The following XPO6 variants were observed in gnomAD, a reference collection of about 807,000 sequenced individuals.
XPO6 encodes the protein exportin 6, also known as exportin-6.
XPO6 carries 3 observed loss-of-function variants against 130.0 expected under a neutral mutation model. The observed-to-expected ratio is 0.02, with a 90% CI of 0.01 to 0.06. The LOEUF (loss-of-function observed/expected upper bound fraction) is 0.06, where lower values mean the gene tolerates loss of function less well. Ranked by LOEUF, XPO6 falls within the 10% of genes least tolerant of loss-of-function variation. XPO6 has a pLI of 1.00. For missense variants in XPO6, 970 were observed against 1,393.0 expected (o/e 0.70, Z 4.83); for synonymous variants, 524 against 548.9 (o/e 0.95, Z 0.63).
At position 28,152,732 on chromosome 16, in the gene XPO6, C is replaced by G; in HGVS notation, c.1151G>C (p.Arg384Thr). 1 of 1,613,804 alleles carries G rather than the reference C, an allele frequency of 6.2e-7. No individual in the cohort carries two copies. Among genetic ancestry groups the G allele is most frequent in the East Asian group, 2.2e-5 (1 of 44,844 alleles). ...GAACTGGGAGTAAGACTCGATTCTT[C>G]TTAGGTGAACACTCACAAAGAGCCG... ...FLRLFVSVHLRRIESYSQFPV... is the reference protein window; with the variant it reads ...FLRLFVSVHLTRIESYSQFPV... The change falls in exon 8 of 24, where the codon AGA becomes ACA. Residue 384 changes from arginine (R) to threonine (T), a missense_variant. Arg to Thr is a moderately conservative substitution (Grantham distance 71). Coordinates refer to ENST00000304658, the MANE Select transcript of XPO6 (RefSeq NM_015171.4).
chr16:28,142,324 C>T (rs552079236), intron 9 of XPO6, among the ~76,000 whole-genome samples: 3 of 152,326 alleles, frequency 2.0e-5, no homozygotes, highest in African/African-American at 7.2e-5. Context: ...TCCTGCAAAA[C>T]AGCATATCTC....
At chr16:28,196,003 AAGTTTTCTGTTTATTCCACC>A (rs2141897811) in intron 1 of XPO6, among the ~76,000 whole-genome samples, 1 of 152,218 alleles carries the variant, frequency 6.6e-6, no homozygotes, top group African/African-American at 2.4e-5. Flanking sequence ...AAATGCCTAG[AAGTTTTCTGTTTATTCCACC>A]ATGGAATGTG....
chr16:28,200,163 AG>A (rs768183324), intron 1 of XPO6, among the ~76,000 whole-genome samples: 3,375 of 148,702 alleles, frequency 0.023, 47 homozygotes, highest in African/African-American at 0.048. Context: ...TCTCAAAAAA[AG>A]AAAAGGGAAA....
At chr16:28,186,966 G>A (rs142960411) in intron 1 of XPO6, among the ~76,000 whole-genome samples, 1 of 152,304 alleles carries the variant, frequency 6.6e-6, no homozygotes, top group African/African-American at 2.4e-5. Context: ...ACAATGATGA[G>A]TAAGACGGTC....
At chr16:28,136,387 T>C (rs1481247850) in intron 9 of XPO6, among the ~76,000 whole-genome samples, 5 of 152,126 alleles carry the variant, frequency 3.3e-5, no homozygotes, top group Admixed American at 2.6e-4. Context: ...GTCTGGCTAA[T>C]TTTTGTATTT....
At chr16:28,162,462 C>T (rs2043291949) in intron 6 of XPO6, among the ~76,000 whole-genome samples, 1 of 152,098 alleles carries the variant, frequency 6.6e-6, no homozygotes, top group South Asian at 2.1e-4. Flanking sequence ...AACCTGTGAC[C>T]CTGGCAGCGA....
chr16:28,124,118 C>T (rs936889988), intron 13 of XPO6, among the ~76,000 whole-genome samples: 3 of 148,804 alleles, frequency 2.0e-5, no homozygotes, highest in Non-Finnish European at 4.4e-5. Context: ...AGTGCACTGG[C>T]GCAATCTCAG....
At chr16:28,133,747 A>T in intron 11 of XPO6, 94 bp downstream of exon 11, 1 of 1,081,268 alleles carries the variant, frequency 9.2e-7, no homozygotes, top group Non-Finnish European at 1.4e-6. Context: ...GAGGGGAAAG[A>T]GGGGAGAGAG....
chr16:28,110,278 C>T (rs2285617), intron 17 of XPO6, among the ~76,000 whole-genome samples: 8,094 of 152,280 alleles, frequency 0.053, 549 homozygotes, highest in East Asian at 0.17. Flanking sequence ...AGTGGCATCA[C>T]ACCTCCCTGC....
At chr16:28,112,067 C>A in intron 16 of XPO6, 61 bp from the exon 17 acceptor site, 1 of 1,528,424 alleles carries the variant, frequency 6.5e-7, no homozygotes, top group South Asian at 1.2e-5. Context: ...GTGCGGCATG[C>A]CCAACACAGC....
intron 9 of XPO6, among the ~76,000 whole-genome samples, chr16:28,136,714 A>G (rs2042786024): frequency 6.6e-6 from 1 of 152,256 alleles, no homozygotes; most frequent in African/African-American, 2.4e-5. Flanking sequence ...CTCAGAAGAT[A>G]CCAAGTTATA....
At chr16:28,123,926 A>G (rs1362715440) in intron 13 of XPO6, among the ~76,000 whole-genome samples, 1 of 152,234 alleles carries the variant, frequency 6.6e-6, no homozygotes, top group East Asian at 1.9e-4. Context: ...TGAAGACAAA[A>G]TATTAATAAC....
At chr16:28,197,186 A>G (rs1469955340) in intron 1 of XPO6, among the ~76,000 whole-genome samples, 1 of 152,118 alleles carries the variant, frequency 6.6e-6, no homozygotes. Context: ...CGGGAGACAG[A>G]GGTTGCAGTG....
chr16:28,106,268 C>T lies in XPO6; in HGVS notation c.2613-54G>A. ...AACCACATGTTTCTCTGGGGGCCAGCATGAAAACCCATGCTGTGGCAAGTG... is the reference window on the plus strand; with the variant it reads ...AACCACATGTTTCTCTGGGGGCCAGTATGAAAACCCATGCTGTGGCAAGTG... On this transcript the variant is annotated intron_variant, in intron 19 of 23. Transcript: ENST00000304658. The surrounding 1 kb of genome is among the most constrained non-coding windows in gnomAD (Gnocchi z 4.2). The T allele has an allele frequency of 5.0e-6, 8 of 1,607,640 alleles. No individual in the cohort carries two copies. Among genetic ancestry groups the T allele is most frequent in the Non-Finnish European group, 6.0e-6 (7 of 1,175,446 alleles).
chr16:28,153,665 G>A (rs2043134415), intron 7 of XPO6: 9 of 985,298 alleles, frequency 9.1e-6, no homozygotes, highest in Non-Finnish European at 1.1e-5. Context: ...AATACCAAAA[G>A]GTGATTAGAA....
intron 17 of XPO6, 58 bp from the exon 18 acceptor site, chr16:28,107,735 G>A (rs1298249855): frequency 1.3e-6 from 2 of 1,592,954 alleles, no homozygotes; most frequent in South Asian, 1.1e-5. Flanking sequence ...CATGGTAAGA[G>A]GAGACACAAG....
chr16:28,129,639 T>C (rs879902112), intron 12 of XPO6, among the ~76,000 whole-genome samples: 1 of 152,168 alleles, frequency 6.6e-6, no homozygotes, highest in Non-Finnish European at 1.5e-5. Flanking sequence ...TCTTCTCTTT[T>C]TGAGGAGTTG....
chr16:28,198,169 T>C (rs2043898378), intron 1 of XPO6, among the ~76,000 whole-genome samples: 1 of 151,960 alleles, frequency 6.6e-6, no homozygotes, highest in African/African-American at 2.4e-5. Context: ...ATTTATAAAA[T>C]ATTTAATGAT....
chr16:28,167,313 C>T, intron 5 of XPO6: 1 of 985,436 alleles, frequency 1.0e-6, no homozygotes, highest in African/African-American at 1.7e-5. Flanking sequence ...ACAAACCTGC[C>T]ACCAATCCTT....
Sources: allele counts gnomAD v4.1 joint callset (sites outside exome capture counted in the v4.1 genomes callset), GRCh38; gene constraint gnomAD v4.1.1; non-coding constraint Gnocchi (gnomAD v3.1); transcripts MANE v1.5; gene names NCBI Gene and HGNC (gene_info 2026-07-23, HGNC 2026-07-21).